Variants in GSK3B observed in about 807,000 individuals in gnomAD.
GSK3B encodes glycogen synthase kinase 3 beta.
GSK3B carries 15 observed loss-of-function variants against 56.4 expected under a neutral mutation model. The ratio of observed to expected loss-of-function variants is 0.27; its 90% CI spans 0.18 to 0.41. GSK3B has a LOEUF of 0.41. Ranked by LOEUF, GSK3B falls within the 10% of genes least tolerant of loss-of-function variation. GSK3B has a pLI of 1.00. For synonymous variants in GSK3B, 181 were observed against 188.9 expected (o/e 0.96, Z 0.34); for missense variants, 300 against 513.4 (o/e 0.58, Z 4.02).
chr3:120,021,716 T>TG (rs2057880033), intron 1 of GSK3B, among the ~76,000 whole-genome samples: 1 of 152,258 alleles, frequency 6.6e-6, no homozygotes, highest in African/African-American at 2.4e-5. Flanking sequence ...TGATCAAACT[T>TG]GAACAGATGA....
chr3:119,822,857 TC>T lies in GSK3B; in HGVS notation c.*3930del. 1 of 228,426 alleles carries T rather than the reference TC, an allele frequency of 4.4e-6. No homozygotes were observed. Among genetic ancestry groups the T allele is most frequent in the Non-Finnish European group, 8.7e-6 (1 of 115,024 alleles). 14.1% of individuals were successfully genotyped at this position (228,426 alleles called of 1,614,324 possible). On this transcript the variant is annotated 3_prime_UTR_variant, in exon 11 of 11. Transcript: ENST00000264235. ...CTGGGGATCTGGCATTGGCCAAACT[TC>T]CTTTGGAAGATTCCAAAGTTAAATC...
chr3:119,902,704 T>C (rs1327673589), intron 7 of GSK3B, among the ~76,000 whole-genome samples: 1 of 151,640 alleles, frequency 6.6e-6, no homozygotes, highest in Non-Finnish European at 1.5e-5. Flanking sequence ...GCTGTGATAT[T>C]TATTATTTAT....
At chr3:119,927,528 G>C (rs1470281243) in intron 3 of GSK3B, among the ~76,000 whole-genome samples, 1 of 152,108 alleles carries the variant, frequency 6.6e-6, no homozygotes, top group Non-Finnish European at 1.5e-5. Flanking sequence ...CTTTAAGCTT[G>C]GGCAACCAAA....
At chr3:119,831,864 C>CA (rs1417882515) in intron 10 of GSK3B, among the ~76,000 whole-genome samples, 1 of 152,096 alleles carries the variant, frequency 6.6e-6, no homozygotes, top group Admixed American at 6.5e-5. Flanking sequence ...AACAAGTAAA[C>CA]AAAAAAATGC....
chr3:119,868,378 A>G (rs1337284227), intron 8 of GSK3B, among the ~76,000 whole-genome samples: 1 of 152,236 alleles, frequency 6.6e-6, no homozygotes, highest in African/African-American at 2.4e-5. Flanking sequence ...TAAATGAAGA[A>G]TTATTCAAAA....
chr3:120,021,793 T>C (rs1314793627), intron 1 of GSK3B, among the ~76,000 whole-genome samples: 2 of 152,226 alleles, frequency 1.3e-5, no homozygotes, highest in South Asian at 2.1e-4. Context: ...CTGGTGAATA[T>C]GCTGTGACTA....
intron 3 of GSK3B, among the ~76,000 whole-genome samples, chr3:119,927,557 A>G (rs1483154816): frequency 6.6e-6 from 1 of 152,230 alleles, no homozygotes; most frequent in Non-Finnish European, 1.5e-5. Flanking sequence ...GAGACACAGA[A>G]AGCAAAAACA....
At chr3:120,087,270 C>T (rs375904408) in intron 1 of GSK3B, among the ~76,000 whole-genome samples, 28 of 152,074 alleles carry the variant, frequency 1.8e-4, no homozygotes, top group African/African-American at 6.3e-4. Flanking sequence ...TGGTGGTTCA[C>T]GCCTGTAATC....
At chr3:120,054,529 C>CA (rs2058177373) in intron 1 of GSK3B, among the ~76,000 whole-genome samples, 1 of 152,086 alleles carries the variant, frequency 6.6e-6, no homozygotes, top group Non-Finnish European at 1.5e-5. Context: ...AACCTTTTTT[C>CA]TTTAAACTGG....
intron 1 of GSK3B, among the ~76,000 whole-genome samples, chr3:120,058,331 T>C (rs1436793764): frequency 6.6e-6 from 1 of 152,200 alleles, no homozygotes; most frequent in Non-Finnish European, 1.5e-5. Flanking sequence ...AACTTATTAA[T>C]GAATTTTTCC....
At chr3:120,023,063 G>C (rs2057892951) in intron 1 of GSK3B, among the ~76,000 whole-genome samples, 1 of 151,862 alleles carries the variant, frequency 6.6e-6, no homozygotes, top group Non-Finnish European at 1.5e-5. Context: ...TTTTTAAATG[G>C]TCTTTGTCAT....
At chr3:119,876,774 T>C (rs1204530087) in intron 7 of GSK3B, among the ~76,000 whole-genome samples, 1 of 151,114 alleles carries the variant, frequency 6.6e-6, no homozygotes, top group Non-Finnish European at 1.5e-5. Flanking sequence ...ACTCATGTCA[T>C]TAAAGTGGAA....
At chr3:120,091,807 C>G (rs892154964) in intron 1 of GSK3B, among the ~76,000 whole-genome samples, 2 of 151,636 alleles carry the variant, frequency 1.3e-5, no homozygotes, top group Non-Finnish European at 2.9e-5. Flanking sequence ...CGGGCATTCT[C>G]TACTTGCAAG....
rs2057110364 is a variant in GSK3B, at chr3:119,947,319, A to G, written c.315T>C (p.Asp105=). The part of the protein sequence containing the change: ...NRELQIMRKL[D]HCNIVRLRYF... ...AACGCAATCGGACTATGTTACAGTG[A>G]TCTAGCTTTCTCATGATCTGGAGCT... The change falls in exon 3 of 11, where the codon GAT becomes GAC. Residue 105 remains aspartate, a synonymous_variant. Transcript: ENST00000264235. The G allele has an allele frequency of 6.2e-7, 1 of 1,607,014 alleles. No homozygotes were observed. The highest frequency in any genetic ancestry group is 8.5e-7 in the Non-Finnish European group (1 of 1,173,862).
intron 3 of GSK3B, 31 bp from the exon 4 acceptor site, chr3:119,923,514 C>T (rs1274670150): frequency 1.9e-6 from 2 of 1,072,000 alleles, no homozygotes; most frequent in Non-Finnish European, 2.8e-6. Flanking sequence ...AAACAAAAAA[C>T]AAAACAGATT....
chr3:119,861,156 A>C (rs2056095945), intron 9 of GSK3B, among the ~76,000 whole-genome samples: 1 of 152,194 alleles, frequency 6.6e-6, no homozygotes, highest in Non-Finnish European at 1.5e-5. Flanking sequence ...CTTAGAAAAC[A>C]AGATCACCAT....
chr3:119,924,353 A>G (rs2056871062), intron 3 of GSK3B, among the ~76,000 whole-genome samples: 2 of 152,248 alleles, frequency 1.3e-5, no homozygotes, highest in African/African-American at 4.8e-5. Context: ...CTGAGTGAGA[A>G]ATACTGTGGA....
At chr3:120,014,700 T>C (rs1390694635) in intron 1 of GSK3B, among the ~76,000 whole-genome samples, 1 of 152,090 alleles carries the variant, frequency 6.6e-6, no homozygotes, top group East Asian at 1.9e-4. Flanking sequence ...GATTCTAACC[T>C]AAGAGATTAG....
intron 1 of GSK3B, among the ~76,000 whole-genome samples, chr3:120,028,264 A>C (rs1352209891): frequency 6.6e-6 from 1 of 152,220 alleles, no homozygotes; most frequent in Non-Finnish European, 1.5e-5. Context: ...AATAACAATT[A>C]ATGAGGTATT....
Sources: gnomAD v4.1 joint callset for allele counts (sites outside exome capture counted in the v4.1 genomes callset) on GRCh38, gnomAD v4.1.1 for gene constraint, MANE v1.5 for transcripts, NCBI Gene and HGNC (gene_info 2026-07-23, HGNC 2026-07-21) for gene names.